KLF12: variants seen among roughly 807,000 people sequenced by gnomAD.
KLF12 encodes the protein KLF transcription factor 12.
KLF12 carries 9 observed loss-of-function variants against 37.8 expected under a neutral mutation model. That is an observed-to-expected ratio of 0.24 (90% CI 0.14 to 0.42). The LOEUF (loss-of-function observed/expected upper bound fraction) is 0.42. Ranked by LOEUF, KLF12 falls within the 10% of genes least tolerant of loss-of-function variation. KLF12 has a pLI of 1.00. For missense variants in KLF12, 411 were observed against 516.0 expected (o/e 0.80, Z 1.97); for synonymous variants, 208 against 202.1 (o/e 1.03, Z -0.25).
intron 3 of KLF12, among the ~76,000 whole-genome samples, chr13:73,888,535 A>G (rs1340385643): frequency 6.6e-6 from 1 of 152,188 alleles, no homozygotes; most frequent in Non-Finnish European, 1.5e-5. Flanking sequence ...GCAAAACAAT[A>G]TATTTTCTTC....
intron 3 of KLF12, among the ~76,000 whole-genome samples, chr13:73,870,680 C>A (rs1886419498): frequency 6.6e-6 from 1 of 152,162 alleles, no homozygotes; most frequent in Non-Finnish European, 1.5e-5. Context: ...AGGCTGAAGT[C>A]AAGAGAAACG....
At position 73,715,276 on chromosome 13, in the gene KLF12, G is replaced by A; in HGVS notation, c.1027+92C>T. On this transcript the variant is annotated intron_variant, in intron 7 of 7. Transcript: ENST00000377669. ...GGGAACTGGACTTGAGAGGTACACA[G>A]GATGAATGAGTACGAAAGGCTCCCG... 7 of 1,074,380 alleles carry A rather than the reference G, an allele frequency of 6.5e-6. No homozygotes were observed. In the South Asian group the frequency reaches 1.1e-4, roughly 17 times the overall value. 66.6% of individuals were successfully genotyped at this position (1,074,380 alleles called of 1,614,324 possible).
rs537711996 is a variant in KLF12, at chr13:74,035,772, C to T, written c.-31-40719G>A. On this transcript the variant is annotated intron_variant, in intron 1 of 7. Transcript: ENST00000377669. ...GGGTAAGTATCAGCATCTCTTCAGACGCTCTTCAGTTTTAAATTGTACACA... is the reference window on the plus strand; with the variant it reads ...GGGTAAGTATCAGCATCTCTTCAGATGCTCTTCAGTTTTAAATTGTACACA... Among the ~76,000 whole-genome samples, 27 of 152,254 alleles carry T rather than the reference C, an allele frequency of 1.8e-4. No individual in the cohort carries two copies. The South Asian group carries it at 3.9e-3, about 22-fold the overall frequency.
chr13:74,178,044 T>C, the KLF12 span, among the ~76,000 whole-genome samples: 1 of 152,200 alleles, frequency 6.6e-6, no homozygotes, highest in Non-Finnish European at 1.5e-5. Context: ...AGTCAGGTGG[T>C]CCGTGGCTGG....
At chr13:74,103,943 T>A (rs145656255) in intron 1 of KLF12, among the ~76,000 whole-genome samples, 1 of 152,216 alleles carries the variant, frequency 6.6e-6, no homozygotes, top group Admixed American at 6.5e-5. Context: ...AAGCCTGATA[T>A]TGTAATAGAT....
rs1410684110 is a variant in KLF12 at position 73,765,380 on chromosome 13, G to A, written c.807-380C>T. ...GAGCCCTCTTTGTACCTGTTCCCAT[G>A]AGGGTGGGCACAAAGAGGTGTCTAA... On this transcript the variant is annotated intron_variant, in intron 5 of 7. Transcript: ENST00000377669. Among the ~76,000 whole-genome samples the A allele has an allele frequency of 2.6e-5, 4 of 152,118 alleles. No homozygotes were observed. In the East Asian group the frequency reaches 7.7e-4, roughly 29 times the overall value.
chr13:73,950,075 G>A (rs1890588356), intron 2 of KLF12, among the ~76,000 whole-genome samples: 1 of 152,090 alleles, frequency 6.6e-6, no homozygotes, highest in East Asian at 1.9e-4. Flanking sequence ...CCTAAAGACT[G>A]GTAAAACTGT....
intron 5 of KLF12, among the ~76,000 whole-genome samples, chr13:73,778,913 GA>G (rs747705587): frequency 6.6e-6 from 1 of 152,126 alleles, no homozygotes; most frequent in African/African-American, 2.4e-5. Context: ...ACATAAGCTA[GA>G]ATGACAGAAT....
At position 73,845,807 on chromosome 13, in the gene KLF12, G is replaced by A. The variant is rs754039093; in HGVS notation, c.670+20C>T. 3 of 1,598,280 alleles carry A rather than the reference G, an allele frequency of 1.9e-6. No homozygotes were observed. The South Asian group carries it at 3.4e-5, about 18-fold the overall frequency. The stretch of plus-strand genomic sequence containing the variant: ...CACCTCTAGTGCTGAAATAAATCAA[G>A]GCTTGTTTATGTCTCTTACCTTTGC... On this transcript the variant is annotated intron_variant, in intron 4 of 7. Coordinates refer to ENST00000377669, the MANE Select transcript of KLF12 (RefSeq NM_007249.5).
At chr13:74,126,516 T>C (rs562105770) in intron 1 of KLF12, among the ~76,000 whole-genome samples, 38 of 152,216 alleles carry the variant, frequency 2.5e-4, no homozygotes, top group Non-Finnish European at 3.8e-4. Flanking sequence ...CCAATAAAGA[T>C]TCATCACTTT....
chr13:74,139,202 G>A, the KLF12 span, among the ~76,000 whole-genome samples: 1 of 152,318 alleles, frequency 6.6e-6, no homozygotes, highest in East Asian at 1.9e-4. Context: ...TCCAATAAAT[G>A]TTGATTCCCT....
intron 6 of KLF12, among the ~76,000 whole-genome samples, chr13:73,761,568 CTG>C (rs1879552269): frequency 1.3e-5 from 2 of 152,164 alleles, no homozygotes; most frequent in Admixed American, 1.3e-4. Flanking sequence ...TCCTTTTCCT[CTG>C]TCTTTTTCAC....
chr13:74,032,411 AT>A (rs1399808486), intron 1 of KLF12, among the ~76,000 whole-genome samples: 1 of 152,116 alleles, frequency 6.6e-6, no homozygotes, highest in African/African-American at 2.4e-5. Context: ...CTTTACTTTA[AT>A]TCCTATGTCT....
chr13:74,190,676 G>A, the KLF12 span, among the ~76,000 whole-genome samples: 1 of 152,136 alleles, frequency 6.6e-6, no homozygotes, highest in Non-Finnish European at 1.5e-5. Context: ...AATTATAATA[G>A]CTACCATTTA....
intron 5 of KLF12, among the ~76,000 whole-genome samples, chr13:73,767,937 A>T (rs2138095467): frequency 6.6e-6 from 1 of 152,320 alleles, no homozygotes; most frequent in South Asian, 2.1e-4. Context: ...GGGATGCAAC[A>T]TCTTGATTCC....
the KLF12 span, among the ~76,000 whole-genome samples, chr13:74,196,076 T>A: frequency 1.3e-5 from 2 of 152,248 alleles, no homozygotes; most frequent in African/African-American, 2.4e-5. Context: ...CTTTTATGTT[T>A]TTAAAGCACT....
At chr13:73,973,428 C>T (rs1891401811) in intron 2 of KLF12, among the ~76,000 whole-genome samples, 1 of 152,138 alleles carries the variant, frequency 6.6e-6, no homozygotes, top group African/African-American at 2.4e-5. Context: ...GTCCATACAT[C>T]ACCAAAACAG....
intron 4 of KLF12, among the ~76,000 whole-genome samples, chr13:73,842,128 A>G (rs1884769529): frequency 6.6e-6 from 1 of 152,124 alleles, no homozygotes; most frequent in South Asian, 2.1e-4. Flanking sequence ...AAATCTTTGC[A>G]TGCCATTCTG....
intron 6 of KLF12, among the ~76,000 whole-genome samples, chr13:73,738,120 T>TACACACACAC (rs1170394263): frequency 1.7e-4 from 12 of 70,474 alleles, no homozygotes; most frequent in South Asian, 3.9e-4. Context: ...TATATATATA[T>TACACACACAC]ATATACACAC....
Sources: allele counts gnomAD v4.1 joint callset (sites outside exome capture counted in the v4.1 genomes callset), GRCh38; gene constraint gnomAD v4.1.1; transcripts MANE v1.5; gene names NCBI Gene and HGNC (gene_info 2026-07-23, HGNC 2026-07-21).